Variants in IL4I1 observed in about 807,000 individuals in gnomAD.
IL4I1 encodes the protein L-amino-acid oxidase.
IL4I1 carries 24 observed loss-of-function variants against 29.7 expected under a neutral mutation model. The observed-to-expected ratio is 0.81, with a 90% CI of 0.59 to 1.14. The LOEUF is 1.14. Among genes scored for constraint, IL4I1 ranks in the 50% most tolerant of loss-of-function variants. The probability of loss-of-function intolerance (pLI) is 0.00; values close to 1 mark genes in which losing one functional copy is unlikely to be tolerated. For synonymous variants in IL4I1, 371 were observed against 352.5 expected, an observed-to-expected ratio of 1.05 and a Z score of -0.59; for missense variants, 686 against 785.6, an observed-to-expected ratio of 0.87 and a Z score of 1.52.
At chr19:49,929,478 G>T (rs563285125) in exon 1 of IL4I1, 1 of 152,564 alleles carries the variant, frequency 6.6e-6, no homozygotes, top group African/African-American at 2.4e-5. Context: ...GGAGCCCTGG[G>T]GGGTGGGGAG....
intron 2 of IL4I1, among the ~76,000 whole-genome samples, chr19:49,927,524 C>G (rs576352137): frequency 6.6e-5 from 10 of 152,338 alleles, no homozygotes; most frequent in African/African-American, 2.4e-4. Context: ...AGCTGCTACT[C>G]TGTATACTGC....
intron 6 of IL4I1, 93 bp from the exon 7 acceptor site, chr19:49,891,200 G>A (rs1208855867): frequency 6.5e-7 from 1 of 1,531,406 alleles, no homozygotes; most frequent in African/African-American, 1.4e-5. Flanking sequence ...CCCATGACAT[G>A]TCCTTGGACC....
intron 2 of IL4I1, among the ~76,000 whole-genome samples, chr19:49,917,968 T>C (rs1157231114): frequency 2.0e-5 from 3 of 152,090 alleles, no homozygotes; most frequent in African/African-American, 7.2e-5. Context: ...ATCGCACTAC[T>C]GCACTCCAGC....
intron 1 of IL4I1, chr19:49,928,656 T>G (rs1294771937): frequency 6.6e-6 from 1 of 152,194 alleles, no homozygotes; most frequent in African/African-American, 2.4e-5. Context: ...GGAAATGAAG[T>G]AAGAGAACTT....
chr19:49,897,114 C>A (rs2075220654), upstream of IL4I1, among the ~76,000 whole-genome samples: 1 of 152,214 alleles, frequency 6.6e-6, no homozygotes, highest in South Asian at 2.1e-4. Flanking sequence ...GAAATAGATG[C>A]TCAGGTAACC....
chr19:49,890,934 C>CG, intron 7 of IL4I1, 37 bp downstream of exon 7: 1 of 404,462 alleles, frequency 2.5e-6, no homozygotes, highest in Non-Finnish European at 4.1e-6. Context: ...TGATTGCCCC[C>CG]CGCCCCCCCC....
intron 2 of IL4I1, among the ~76,000 whole-genome samples, chr19:49,910,382 C>G (rs2075433603): frequency 6.6e-6 from 1 of 152,060 alleles, no homozygotes; most frequent in Admixed American, 6.5e-5. Context: ...ATGGCAGGGT[C>G]TGGGTTGCTG....
At chr19:49,908,641 C>T (rs202221687) in intron 2 of IL4I1, 10 of 1,613,098 alleles carry the variant, frequency 6.2e-6, no homozygotes, top group Non-Finnish European at 7.6e-6. Context: ...GCTCCTGGTC[C>T]AGCCTCTTCT....
intron 2 of IL4I1, among the ~76,000 whole-genome samples, chr19:49,913,666 C>A (rs536508057): frequency 6.6e-6 from 1 of 152,360 alleles, no homozygotes; most frequent in Non-Finnish European, 1.5e-5. Context: ...CATCTCTCCC[C>A]TTTGCTGTTT....
intron 2 of IL4I1, among the ~76,000 whole-genome samples, chr19:49,916,838 T>C (rs1386281380): frequency 1.3e-5 from 2 of 152,194 alleles, no homozygotes; most frequent in African/African-American, 4.8e-5. Context: ...GGAGGATGAC[T>C]TGAGCCCAGG....
intron 5 of IL4I1, among the ~76,000 whole-genome samples, chr19:49,892,164 C>A (rs1265498003): frequency 6.6e-6 from 1 of 150,570 alleles, no homozygotes; most frequent in Non-Finnish European, 1.5e-5. Context: ...TCACTGAAAC[C>A]TCTGCCTCCC....
At chr19:49,899,275 G>A (rs2075249254), upstream of IL4I1, among the ~76,000 whole-genome samples, 1 of 152,370 alleles carries the variant, frequency 6.6e-6, no homozygotes, top group East Asian at 1.9e-4. Context: ...GGTCCCCAGA[G>A]TGGGTGGGGC....
Position 49,890,514 on chromosome 19 carries a change from A to G in IL4I1, c.860T>C (p.Val287Ala). The change falls in exon 8 of 8, where the codon GTG becomes GCG. Residue 287 changes from valine to alanine, a missense_variant. Physicochemically the swap from Val to Ala is moderately conservative, Grantham distance 64. Coordinates refer to ENST00000391826, the MANE Select transcript of IL4I1 (RefSeq NM_152899.2). ...LSGLVLLNAP[V>A]VAMTQGPHDV... is the part of the protein sequence containing the mutation. Reference sequence around the variant, plus strand: ...GTGCGGTCCCTGGGTCATCGCCACCACGGGCGCGTTCAACAGCACAAGCCC... The same window carrying G: ...GTGCGGTCCCTGGGTCATCGCCACCGCGGGCGCGTTCAACAGCACAAGCCC... 6.2e-7 allele frequency: 1 copy of G among 1,610,098 alleles called. No individual in the cohort carries two copies. Among genetic ancestry groups the G allele is most frequent in the Non-Finnish European group, 8.5e-7 (1 of 1,179,506 alleles).
intron 2 of IL4I1, among the ~76,000 whole-genome samples, chr19:49,904,567 G>T (rs545836764): frequency 2.0e-5 from 3 of 151,768 alleles, no homozygotes; most frequent in South Asian, 4.2e-4. Context: ...TTTTTTTTTT[G>T]AGATGAAGTC....
At chr19:49,907,289 T>A (rs1390293582) in intron 2 of IL4I1, 1 of 301,230 alleles carries the variant, frequency 3.3e-6, no homozygotes, top group Admixed American at 5.0e-5. Context: ...TGGGAAGGCT[T>A]CCTGGAGGAG....
intron 2 of IL4I1, among the ~76,000 whole-genome samples, chr19:49,922,279 C>T (rs946168080): frequency 6.6e-6 from 1 of 152,200 alleles, no homozygotes; most frequent in East Asian, 1.9e-4. Flanking sequence ...AGTCTTCCTG[C>T]CGCAATGAGC....
At chr19:49,899,560 T>G (rs565900125), upstream of IL4I1, among the ~76,000 whole-genome samples, 1,204 of 150,512 alleles carry the variant, frequency 8.0e-3, 19 homozygotes, top group African/African-American at 0.026. Context: ...TTTGTTTTTT[T>G]TGTTTTTTTT....
In IL4I1 at chr19:49,890,132, C is replaced by G. The variant is rs1334079436; in HGVS notation, c.1242G>C (p.Glu414Asp). The change falls in exon 8 of 8, where the codon GAG becomes GAC. Residue 414 changes from glutamate to aspartate, a missense_variant. Physicochemically the swap from Glu to Asp is conservative, Grantham distance 45. Coordinates refer to ENST00000391826, the MANE Select transcript of IL4I1 (RefSeq NM_152899.2). ...AAAFAGLSRE[E>D]ALRLALDDVA... ...CGTCGTCGAGCGCCAAGCGCAACGC[C>G]TCTTCCCGGCTCAAGCCGGCGAACG... 10 of 1,542,296 alleles carry G rather than the reference C, an allele frequency of 6.5e-6. No individual in the cohort carries two copies. In the South Asian group the frequency reaches 1.1e-4, roughly 17 times the overall value.
chr19:49,897,086 G>A (rs1241204956), upstream of IL4I1: 1 of 164,386 alleles, frequency 6.1e-6, no homozygotes, highest in Non-Finnish European at 1.3e-5. Context: ...AGATAGTTCT[G>A]GGGTGGTTTG....
Sources: allele counts gnomAD v4.1 joint callset (sites outside exome capture counted in the v4.1 genomes callset), GRCh38; gene constraint gnomAD v4.1.1; transcripts MANE v1.5; gene names NCBI Gene and HGNC (gene_info 2026-07-23, HGNC 2026-07-21).